The following TMEM19 variants were observed in gnomAD, a reference collection of about 807,000 sequenced individuals.
The protein encoded by TMEM19 is transmembrane protein 19.
A neutral mutation model predicts 33.6 loss-of-function variants in TMEM19; 21 were observed. That is an observed-to-expected ratio of 0.62 (90% CI 0.44 to 0.90). The LOEUF (loss-of-function observed/expected upper bound fraction) is 0.90. Among genes scored for constraint, TMEM19 ranks in the 40% least tolerant of loss-of-function variants. The pLI, the probability that TMEM19 is intolerant of heterozygous loss-of-function variation, is 0.00. For synonymous variants in TMEM19, 149 were observed against 147.5 expected, an observed-to-expected ratio of 1.01 and a Z score of -0.07; for missense variants, 402 against 401.8, an observed-to-expected ratio of 1.00 and a Z score of 0.00.
chr12:71,703,478 C>T lies in TMEM19; in HGVS notation c.*2483C>T, dbSNP rs573317247. On this transcript the variant is annotated 3_prime_UTR_variant, in exon 6 of 6. Transcript: ENST00000266673. ...CTTTTTTTCCCTGGAGATTTATCCT[C>T]ATGACATACAAGGGGACAAAAATAT... is the stretch of plus-strand genomic sequence containing the variant. 1 of 152,342 alleles carries T rather than the reference C, an allele frequency of 6.6e-6. No individual in the cohort carries two copies. The highest frequency in any genetic ancestry group is 1.5e-5 in the Non-Finnish European group (1 of 68,108). 9.4% of individuals were successfully genotyped at this position (152,342 alleles called of 1,614,324 possible).
rs1235081380 is a variant in TMEM19 at position 71,702,587 on chromosome 12, A to G, written c.*1592A>G. 6 of 152,032 alleles carry G rather than the reference A, an allele frequency of 3.9e-5. No individual in the cohort carries two copies. Among genetic ancestry groups the G allele is most frequent in the African/African-American group, 1.5e-4 (6 of 41,378 alleles). 9.4% of individuals were successfully genotyped at this position (152,032 alleles called of 1,614,324 possible). On this transcript the variant is annotated 3_prime_UTR_variant, in exon 6 of 6. Coordinates refer to ENST00000266673, the MANE Select transcript of TMEM19 (RefSeq NM_018279.4). ...CATCTCAGCCTCCCAAAGATCTATTACAAGATGTGAGCCACTGTGCCCAGC... is the reference window on the plus strand; with the variant it reads ...CATCTCAGCCTCCCAAAGATCTATTGCAAGATGTGAGCCACTGTGCCCAGC...
chr12:71,697,912 G>A (rs139684609), intron 4 of TMEM19, among the ~76,000 whole-genome samples: 113 of 152,252 alleles, frequency 7.4e-4, no homozygotes, highest in African/African-American at 2.6e-3. Context: ...CATAGGTTGA[G>A]CATCTCAAAT....
chr12:71,698,849 A>T (rs1367516520), intron 4 of TMEM19, 51 bp from the exon 5 acceptor site: 2 of 1,556,852 alleles, frequency 1.3e-6, no homozygotes, highest in East Asian at 4.5e-5. Flanking sequence ...CCTTGCCTTT[A>T]TGTGTTTGCT....
intron 1 of TMEM19, 149 bp from the exon 2 acceptor site, chr12:71,689,442 A>G (rs1309082892): frequency 1.5e-6 from 1 of 664,252 alleles, no homozygotes; most frequent in Non-Finnish European, 2.7e-6. Context: ...TCTTTAAGTG[A>G]TGCATGACTA....
rs372043674 is a variant in TMEM19, at chr12:71,697,424, T to C, written c.527T>C (p.Leu176Pro). 59 of 1,611,152 alleles carry C rather than the reference T, an allele frequency of 3.7e-5. No individual in the cohort carries two copies. The highest frequency in any genetic ancestry group is 4.7e-5 in the Non-Finnish European group (56 of 1,179,042). Residue 176 changes from leucine (L) to proline (P), a missense_variant, in exon 4 of 6, where the codon CTC becomes CCC. Transcript: ENST00000266673. ...QYSASWMCLSLLAALACSAGD... is the reference protein window; with the variant it reads ...QYSASWMCLSPLAALACSAGD... ...TCCGCTTCCTGGATGTGTTTGTCTCTCTTGGCTGCACTGGCCTGCTCTGCT... is the reference window on the plus strand; with the variant it reads ...TCCGCTTCCTGGATGTGTTTGTCTCCCTTGGCTGCACTGGCCTGCTCTGCT...
At position 71,696,424 on chromosome 12, in the gene TMEM19, T is replaced by C. The variant is rs1483880845; in HGVS notation, c.245-12T>C. 1 of 1,585,354 alleles carries C rather than the reference T, an allele frequency of 6.3e-7. No homozygotes were observed. Among genetic ancestry groups the C allele is most frequent in the African/African-American group, 1.4e-5 (1 of 73,810 alleles). ...TTGAATATAATTCTGTGTTTATATA[T>C]GTTTCTTTCAGGGCTAGTCGTTGGA... is the stretch of plus-strand genomic sequence containing the variant. On this transcript the variant is annotated splice_polypyrimidine_tract_variant and intron_variant, in intron 2 of 5. Transcript: ENST00000266673.
At position 71,699,306 on chromosome 12, in the gene TMEM19, G is replaced by A. The variant is rs114576049; in HGVS notation, c.847+197G>A. ...AATTAATTGAAAGAGAATTAGTCCC[G>A]CGCAGCAATGATTAGAAGCCATGTG... On this transcript the variant is annotated intron_variant, in intron 5 of 5. Transcript: ENST00000266673. The A allele has an allele frequency of 2.0e-3, 1,270 of 623,426 alleles. 9 individuals carry two copies. The highest frequency in any genetic ancestry group is 0.02 in the African/African-American group (1,093 of 54,328). 38.6% of individuals were successfully genotyped at this position (623,426 alleles called of 1,614,324 possible). A position where few individuals can be genotyped will look rare whatever the true frequency, so the allele number is the denominator to read the frequency against.
At position 71,692,446 on chromosome 12, in the gene TMEM19, C is replaced by T. The variant is rs115342383; in HGVS notation, c.244+2742C>T. On this transcript the variant is annotated intron_variant, in intron 2 of 5. Transcript: ENST00000266673. ...AGAATAAAATTAAATGAAGTATTCT[C>T]ACTTAAAAAGTTTCTGGTTCTAGGC... 2.9e-3 allele frequency among the ~76,000 whole-genome samples: 439 copies of T among 152,294 alleles called. 4 individuals are homozygous for T. The highest frequency in any genetic ancestry group is 0.01 in the African/African-American group (423 of 41,556).
At chr12:71,697,959 A>G (rs1316938773) in intron 4 of TMEM19, among the ~76,000 whole-genome samples, 10 of 152,112 alleles carry the variant, frequency 6.6e-5, no homozygotes, top group Non-Finnish European at 2.9e-5. Flanking sequence ...CAAAATCTCA[A>G]ACTTTTTGAA....
rs982504044 is a variant in TMEM19, at chr12:71,703,472, T to C, written c.*2477T>C. ...CATGCCCTTTTTTTCCCTGGAGATT[T>C]ATCCTCATGACATACAAGGGGACAA... On this transcript the variant is annotated 3_prime_UTR_variant, in exon 6 of 6. Transcript: ENST00000266673. 6.6e-6 allele frequency: 1 copy of C among 152,268 alleles called. No individual in the cohort carries two copies. Among genetic ancestry groups the C allele is most frequent in the African/African-American group, 2.4e-5 (1 of 41,440 alleles). The allele number at this position is 152,268 out of a possible 1,614,324, so 9.4% of individuals were successfully genotyped here. A position where few individuals can be genotyped will look rare whatever the true frequency, so the allele number is the denominator to read the frequency against.
intron 4 of TMEM19, 79 bp from the exon 5 acceptor site, chr12:71,698,821 A>G: frequency 8.0e-7 from 1 of 1,249,244 alleles, no homozygotes; most frequent in South Asian, 1.3e-5. Flanking sequence ...AGTCTTGATT[A>G]GATAGGTACC....
Position 71,692,540 on chromosome 12 carries a change from C to G in TMEM19, c.244+2836C>G, listed in dbSNP as rs144850447. On this transcript the variant is annotated intron_variant, in intron 2 of 5. Transcript: ENST00000266673. ...TCTCATGAAGTCATTTATTTGCTGC[C>G]AGCCCTTAGAGTTGGAAATGATCAA... is the stretch of plus-strand genomic sequence containing the variant. Among the ~76,000 whole-genome samples the G allele has an allele frequency of 5.1e-3, 781 of 152,280 alleles. 1 individual carries two copies. The highest frequency in any genetic ancestry group is 0.018 in the African/African-American group (744 of 41,542).
intron 2 of TMEM19, among the ~76,000 whole-genome samples, chr12:71,691,329 A>G (rs942848677): frequency 6.6e-6 from 1 of 152,118 alleles, no homozygotes; most frequent in African/African-American, 2.4e-5. Flanking sequence ...GAGTGGTTAT[A>G]TTTTATCTAT....
intron 1 of TMEM19, among the ~76,000 whole-genome samples, chr12:71,688,508 C>G (rs59980256): frequency 0.039 from 5,904 of 152,262 alleles, 378 homozygotes; most frequent in African/African-American, 0.13. Context: ...GGATTACAGG[C>G]ATGAGCCACT....
chr12:71,695,580 A>T (rs1449521536), intron 2 of TMEM19, among the ~76,000 whole-genome samples: 1 of 152,220 alleles, frequency 6.6e-6, no homozygotes, highest in African/African-American at 2.4e-5. Context: ...ATTATTGTTG[A>T]GCTTTTGCCA....
In TMEM19 at chr12:71,697,338, C is replaced by T; in HGVS notation, c.441C>T (p.Ala147=). Residue 147 remains alanine (A), a synonymous_variant, in exon 4 of 6, where the codon GCC becomes GCT. Coordinates refer to ENST00000266673, the MANE Select transcript of TMEM19 (RefSeq NM_018279.4). Reference sequence around the variant, plus strand: ...ATGGAGCTGTACCCACAGAACTGGCCCTGCTGTACATGATAGAAAATGGCC... The same window carrying T: ...ATGGAGCTGTACCCACAGAACTGGCTCTGCTGTACATGATAGAAAATGGCC... ...FCNGAVPTEL[A]LLYMIENGPG... The T allele has an allele frequency of 1.2e-6, 2 of 1,610,632 alleles. No homozygotes were observed. The highest frequency in any genetic ancestry group is 8.5e-7 in the Non-Finnish European group (1 of 1,178,816).
chr12:71,701,678 T>C lies in TMEM19; in HGVS notation c.*683T>C, dbSNP rs1429803263. The C allele has an allele frequency of 2.0e-5, 3 of 152,256 alleles. No individual in the cohort carries two copies. The highest frequency in any genetic ancestry group is 7.2e-5 in the African/African-American group (3 of 41,478). 9.4% of individuals were successfully genotyped at this position (152,256 alleles called of 1,614,324 possible). On this transcript the variant is annotated 3_prime_UTR_variant, in exon 6 of 6. Transcript: ENST00000266673. ...CTAAAAGCAAAAGAATTTTATCTTATATCTAAAAAATATATAACTTACTAT... is the reference window on the plus strand; with the variant it reads ...CTAAAAGCAAAAGAATTTTATCTTACATCTAAAAAATATATAACTTACTAT...
At position 71,699,097 on chromosome 12, in the gene TMEM19, A is replaced by G. The variant is rs1218821427; in HGVS notation, c.835A>G (p.Met279Val). Residue 279 changes from methionine (M) to valine (V), a missense_variant, in exon 5 of 6, where the codon ATG becomes GTG. Met to Val is a conservative substitution (Grantham distance 21). Coordinates refer to ENST00000266673, the MANE Select transcript of TMEM19 (RefSeq NM_018279.4). ...TGTGGACTCATACTTAGGGGCTACAATGCAGTATACTGGTAAGAACATTCC... is the reference window on the plus strand; with the variant it reads ...TGTGGACTCATACTTAGGGGCTACAGTGCAGTATACTGGTAAGAACATTCC... ...SIVDSYLGAT[M>V]QYTGLDESTG... The G allele has an allele frequency of 1.9e-6, 3 of 1,614,118 alleles. No homozygotes were observed. The highest frequency in any genetic ancestry group is 2.7e-5 in the African/African-American group (2 of 74,942).
chr12:71,687,345 G>A (rs1366636451), intron 1 of TMEM19, among the ~76,000 whole-genome samples: 3 of 152,164 alleles, frequency 2.0e-5, no homozygotes, highest in African/African-American at 7.2e-5. Flanking sequence ...TTGGGAGGCC[G>A]AGGCGGGCAA....
Sources: allele counts gnomAD v4.1 joint callset (sites outside exome capture counted in the v4.1 genomes callset), GRCh38; gene constraint gnomAD v4.1.1; transcripts MANE v1.5; gene names NCBI Gene and HGNC (gene_info 2026-07-23, HGNC 2026-07-21).